The following MAGI1 variants were observed in gnomAD, a reference collection of about 807,000 sequenced individuals.
The protein encoded by MAGI1 is membrane-associated guanylate kinase, WW and PDZ domain-containing protein 1.
In MAGI1, 58 loss-of-function variants were observed where a neutral mutation model predicts 139.9. The ratio of observed to expected loss-of-function variants is 0.41; its 90% confidence interval spans 0.34 to 0.52. MAGI1 has a LOEUF of 0.52. Ranked by LOEUF, MAGI1 falls within the 20% of genes least tolerant of loss-of-function variation. The pLI is 0.12. For synonymous variants in MAGI1, 812 were observed against 737.9 expected, an observed-to-expected ratio of 1.10 and a Z score of -1.63; for missense variants, 1,874 against 1,901.6, an observed-to-expected ratio of 0.99 and a Z score of 0.27.
intron 2 of MAGI1, among the ~76,000 whole-genome samples, chr3:65,515,001 C>T (rs573077901): frequency 6.7e-6 from 1 of 148,230 alleles, no homozygotes; most frequent in Non-Finnish European, 1.5e-5. Context: ...GAGTTCGTGT[C>T]CTTTATAGGG....
chr3:66,028,444 G>A (rs1273993200), intron 1 of MAGI1, among the ~76,000 whole-genome samples: 4 of 152,034 alleles, frequency 2.6e-5, no homozygotes, highest in South Asian at 4.2e-4. Context: ...CCTGTCCCTG[G>A]TCTCTCAGCT....
At chr3:65,440,902 GTGTA>G (rs1391859768) in intron 8 of MAGI1, among the ~76,000 whole-genome samples, 2 of 148,674 alleles carry the variant, frequency 1.3e-5, no homozygotes, top group East Asian at 2.0e-4. Context: ...GTACATATGT[GTGTA>G]TATATATATA....
chr3:65,527,310 T>C (rs2107825568), intron 2 of MAGI1, among the ~76,000 whole-genome samples: 1 of 152,240 alleles, frequency 6.6e-6, no homozygotes, highest in East Asian at 1.9e-4. Flanking sequence ...CTGGGTACGG[T>C]GGCTCATGCC....
intron 12 of MAGI1, among the ~76,000 whole-genome samples, chr3:65,407,179 G>A (rs1405083896): frequency 6.6e-6 from 1 of 152,158 alleles, no homozygotes; most frequent in Non-Finnish European, 1.5e-5. Flanking sequence ...GGGCGCGGAG[G>A]CTCATTCCTG....
chr3:65,838,607 A>G (rs999995048), intron 1 of MAGI1, among the ~76,000 whole-genome samples: 3 of 152,164 alleles, frequency 2.0e-5, no homozygotes, highest in African/African-American at 7.2e-5. Context: ...CATGGCATGG[A>G]TGTACCACAG....
intron 1 of MAGI1, among the ~76,000 whole-genome samples, chr3:65,820,814 A>G (rs1389198202): frequency 1.3e-5 from 2 of 152,112 alleles, no homozygotes; most frequent in African/African-American, 2.4e-5. Flanking sequence ...TGTTAGTACC[A>G]TAGCAACTAA....
intron 2 of MAGI1, among the ~76,000 whole-genome samples, chr3:65,500,430 C>T (rs946384874): frequency 3.3e-5 from 5 of 152,178 alleles, no homozygotes; most frequent in African/African-American, 1.2e-4. Context: ...GCTTCTTACA[C>T]ACATTTTATG....
At chr3:65,450,132 G>C (rs751204860) in intron 6 of MAGI1, among the ~76,000 whole-genome samples, 1 of 152,166 alleles carries the variant, frequency 6.6e-6, no homozygotes, top group Non-Finnish European at 1.5e-5. Flanking sequence ...GAGGACTAGT[G>C]GGGATGAAGA....
chr3:65,801,159 T>G (rs2040489363), intron 1 of MAGI1, among the ~76,000 whole-genome samples: 1 of 152,172 alleles, frequency 6.6e-6, no homozygotes, highest in South Asian at 2.1e-4. Context: ...ATGTTTCCAA[T>G]GAAATAATCA....
intron 1 of MAGI1, among the ~76,000 whole-genome samples, chr3:65,799,178 G>A (rs556458520): frequency 1.3e-5 from 2 of 152,272 alleles, no homozygotes; most frequent in African/African-American, 4.8e-5. Flanking sequence ...AAACTGTAAT[G>A]AAGGAAAAAG....
At chr3:65,436,643 G>A (rs6784910) in intron 10 of MAGI1, among the ~76,000 whole-genome samples, 42,024 of 152,016 alleles carry the variant, frequency 0.28, 6,036 homozygotes, top group Middle Eastern at 0.33. Flanking sequence ...AATATCTAAT[G>A]CTGAGTTTCA....
chr3:65,995,027 C>T (rs2066366080), intron 1 of MAGI1, among the ~76,000 whole-genome samples: 1 of 152,084 alleles, frequency 6.6e-6, no homozygotes, highest in Admixed American at 6.5e-5. Context: ...ACCTGAGGGG[C>T]ATGGAGTTCT....
chr3:65,885,995 C>A (rs139532545), intron 1 of MAGI1, among the ~76,000 whole-genome samples: 2 of 152,060 alleles, frequency 1.3e-5, no homozygotes, highest in African/African-American at 4.8e-5. Flanking sequence ...TATCTCTGAG[C>A]GGAGATGTTA....
At chr3:66,013,896 G>A (rs2067482023) in intron 1 of MAGI1, among the ~76,000 whole-genome samples, 1 of 152,104 alleles carries the variant, frequency 6.6e-6, no homozygotes, top group Non-Finnish European at 1.5e-5. Flanking sequence ...ACTTATTTAA[G>A]TAAAACGGAG....
intron 1 of MAGI1, among the ~76,000 whole-genome samples, chr3:65,937,313 C>T (rs2063112172): frequency 6.6e-6 from 1 of 152,154 alleles, no homozygotes; most frequent in South Asian, 2.1e-4. Context: ...TCTCCCTTGC[C>T]CTTTTGCCTC....
intron 1 of MAGI1, among the ~76,000 whole-genome samples, chr3:66,022,988 T>C (rs1002360817): frequency 3.3e-5 from 5 of 152,208 alleles, no homozygotes; most frequent in African/African-American, 1.2e-4. Context: ...ATAAGCTTTT[T>C]GTGCCACATT....
At chr3:65,878,093 A>G (rs76390470) in intron 1 of MAGI1, among the ~76,000 whole-genome samples, 3 of 152,038 alleles carry the variant, frequency 2.0e-5, no homozygotes, top group African/African-American at 2.4e-5. Context: ...CCTACGTGAC[A>G]GAGTGAGGTT....
In MAGI1 at chr3:65,361,247, T is replaced by C. The variant is rs773296837; in HGVS notation, c.3586A>G (p.Arg1196Gly). 1.9e-6 allele frequency: 3 copies of C among 1,614,180 alleles called. No homozygotes were observed. The highest frequency in any genetic ancestry group is 2.5e-6 in the Non-Finnish European group (3 of 1,180,004). ...CCCCGCTTCAGAAACAGACGAACTCTGCGGCCACCATTCTTAATCAGTTCT... is the reference window on the plus strand; with the variant it reads ...CCCCGCTTCAGAAACAGACGAACTCCGCGGCCACCATTCTTAATCAGTTCT... ...AIELIKNGGR[R>G]VRLFLKRGDG... The change falls in exon 22 of 23, where the codon AGA becomes GGA. Residue 1196 changes from arginine to glycine, a missense_variant. Physicochemically the swap from Arg to Gly is moderately radical, Grantham distance 125. Around this residue, in one of 5 missense-constraint regions of MAGI1, gnomAD observed 653 missense variants for 644.5 expected, o/e 1.01. Coordinates refer to ENST00000402939, the MANE Select transcript of MAGI1 (RefSeq NM_001033057.2).
At chr3:65,509,534 A>C (rs1378351597) in intron 2 of MAGI1, among the ~76,000 whole-genome samples, 1 of 152,154 alleles carries the variant, frequency 6.6e-6, no homozygotes, top group Non-Finnish European at 1.5e-5. Context: ...GACTCAAAGA[A>C]AGGGGTGACG....
Sources: allele counts gnomAD v4.1 joint callset (sites outside exome capture counted in the v4.1 genomes callset), GRCh38; gene constraint gnomAD v4.1.1; regional missense constraint gnomAD v4.1.1; transcripts MANE v1.5; gene names NCBI Gene and HGNC (gene_info 2026-07-23, HGNC 2026-07-21).